Variants in DLC1 observed in about 807,000 individuals in gnomAD.
DLC1 encodes rho GTPase-activating protein 7.
A neutral mutation model predicts 140.3 loss-of-function variants in DLC1; 54 were observed. That is an observed-to-expected ratio of 0.38 (90% CI 0.31 to 0.48). DLC1 has a LOEUF of 0.48. DLC1 is among the 20% of genes least tolerant of loss of function. The probability of loss-of-function intolerance (pLI) is 0.96; values close to 1 mark genes in which losing one functional copy is unlikely to be tolerated. For synonymous variants in DLC1, 986 were observed against 728.1 expected (o/e 1.35, Z -5.70); for missense variants, 2,536 against 1,907.0 (o/e 1.33, Z -6.14).
chr8:13,135,367 G>C (rs1411019318), intron 5 of DLC1, among the ~76,000 whole-genome samples: 1 of 152,004 alleles, frequency 6.6e-6, no homozygotes, highest in Non-Finnish European at 1.5e-5. Flanking sequence ...ATTTTTAGTA[G>C]AGACAGGGTT....
chr8:13,115,242 G>A (rs796225312), intron 6 of DLC1, among the ~76,000 whole-genome samples: 3 of 152,164 alleles, frequency 2.0e-5, no homozygotes, highest in African/African-American at 7.2e-5. Flanking sequence ...AATTACATAC[G>A]ACACACTACC....
chr8:13,539,207 G>GTATGTATA, intron 1 of DLC1, among the ~76,000 whole-genome samples: 1 of 151,882 alleles, frequency 6.6e-6, no homozygotes, highest in East Asian at 1.9e-4. Context: ...ATGTATGTAT[G>GTATGTATA]TATTTATTTT....
intron 2 of DLC1, among the ~76,000 whole-genome samples, chr8:13,427,696 C>T (rs1838656411): frequency 6.6e-6 from 1 of 152,246 alleles, no homozygotes; most frequent in East Asian, 1.9e-4. Context: ...ACCTTGGGCC[C>T]CTTGTTCTCA....
chr8:13,375,456 A>G (rs1161891262), intron 4 of DLC1, among the ~76,000 whole-genome samples: 1 of 152,224 alleles, frequency 6.6e-6, no homozygotes, highest in Non-Finnish European at 1.5e-5. Flanking sequence ...ATCTGCAAAC[A>G]GGGACAATTT....
intron 4 of DLC1, among the ~76,000 whole-genome samples, chr8:13,311,173 C>A (rs997462929): frequency 6.6e-6 from 1 of 152,162 alleles, no homozygotes; most frequent in Non-Finnish European, 1.5e-5. Context: ...TTAGCTCTTT[C>A]TCTGTCATTT....
At chr8:13,312,709 T>C (rs1832728680) in intron 4 of DLC1, among the ~76,000 whole-genome samples, 1 of 152,180 alleles carries the variant, frequency 6.6e-6, no homozygotes, top group Non-Finnish European at 1.5e-5. Flanking sequence ...GTCTATATTA[T>C]ATATATCTCC....
chr8:13,229,762 C>G (rs1828960021), intron 5 of DLC1, among the ~76,000 whole-genome samples: 2 of 152,262 alleles, frequency 1.3e-5, no homozygotes, highest in African/African-American at 4.8e-5. Flanking sequence ...AAGAAGTGCT[C>G]TACCTCTAGG....
intron 1 of DLC1, among the ~76,000 whole-genome samples, chr8:13,554,151 C>G (rs190113006): frequency 5.9e-5 from 9 of 152,230 alleles, no homozygotes; most frequent in Admixed American, 4.6e-4. Flanking sequence ...ACTGCAACCT[C>G]TGCCTCCTGA....
At chr8:13,156,437 A>G (rs1302754392) in intron 5 of DLC1, among the ~76,000 whole-genome samples, 3 of 152,196 alleles carry the variant, frequency 2.0e-5, no homozygotes, top group Admixed American at 6.5e-5. Flanking sequence ...AGCTCTCACT[A>G]TGCTTTACAT....
At chr8:13,408,271 T>G (rs937591024) in intron 2 of DLC1, among the ~76,000 whole-genome samples, 1 of 152,238 alleles carries the variant, frequency 6.6e-6, no homozygotes, top group African/African-American at 2.4e-5. Flanking sequence ...TGATGATGGA[T>G]AGATAATATT....
At chr8:13,454,614 G>A (rs1359939228) in intron 2 of DLC1, among the ~76,000 whole-genome samples, 2 of 152,140 alleles carry the variant, frequency 1.3e-5, no homozygotes, top group African/African-American at 4.8e-5. Context: ...GGACTGCAGT[G>A]GTGTGATCAT....
At chr8:13,490,915 T>C (rs1218184511) in intron 2 of DLC1, among the ~76,000 whole-genome samples, 1 of 151,066 alleles carries the variant, frequency 6.6e-6, no homozygotes, top group African/African-American at 2.4e-5. Context: ...CTAATTTTTT[T>C]TCCCAATAAT....
At chr8:13,209,064 G>T (rs1327842276) in intron 5 of DLC1, among the ~76,000 whole-genome samples, 7 of 152,040 alleles carry the variant, frequency 4.6e-5, no homozygotes, top group Admixed American at 4.6e-4. Flanking sequence ...TTTCTAACTA[G>T]ATTCTTTCTA....
At chr8:13,417,624 TGTTG>T (rs1327923634) in intron 2 of DLC1, among the ~76,000 whole-genome samples, 2 of 151,878 alleles carry the variant, frequency 1.3e-5, no homozygotes, top group Non-Finnish European at 2.9e-5. Flanking sequence ...TGGACATTTG[TGTTG>T]GTTCCAAGTC....
In DLC1 at chr8:13,085,096, G is replaced by GT. The variant is rs1817446172; in HGVS notation, c.*714dup. 1 of 152,200 alleles carries GT rather than the reference G, an allele frequency of 6.6e-6. No homozygotes were observed. The allele number at this position is 152,200 out of a possible 1,614,324, so 9.4% of individuals were successfully genotyped here. ...AAAATAAACTGCATTTGGAATGGGTGTAAGAGCCAACCTATTACAATCAAA... is the reference window on the plus strand; with the variant it reads ...AAAATAAACTGCATTTGGAATGGGTGTTAAGAGCCAACCTATTACAATCAAA... On this transcript the variant is annotated 3_prime_UTR_variant, in exon 18 of 18. Coordinates refer to ENST00000276297, the MANE Select transcript of DLC1 (RefSeq NM_182643.3).
chr8:13,136,976 T>C (rs921764635), intron 5 of DLC1, among the ~76,000 whole-genome samples: 2 of 152,224 alleles, frequency 1.3e-5, no homozygotes, highest in African/African-American at 4.8e-5. Context: ...ATAATGTACA[T>C]AAGTGCTTAA....
intron 4 of DLC1, among the ~76,000 whole-genome samples, chr8:13,357,208 C>G (rs902292955): frequency 2.6e-5 from 4 of 152,008 alleles, no homozygotes; most frequent in Non-Finnish European, 5.9e-5. Flanking sequence ...GAGGTAGAGG[C>G]TGCAGTGAGC....
Position 13,373,001 on chromosome 8 carries a change from C to T in DLC1, c.1314+20552G>A, listed in dbSNP as rs371598272. On this transcript the variant is annotated intron_variant, in intron 4 of 17. Coordinates refer to ENST00000276297, the MANE Select transcript of DLC1 (RefSeq NM_182643.3). ...GCAGCAGACATGGCTGAGCCTAAAC[C>T]CAAATTACAATTTATTTTTATTTTT... 3.9e-5 allele frequency among the ~76,000 whole-genome samples: 6 copies of T among 152,214 alleles called. No homozygotes were observed. The East Asian group carries it at 7.7e-4, about 20-fold the overall frequency.
chr8:13,133,748 T>C (rs1432657252), intron 5 of DLC1, among the ~76,000 whole-genome samples: 2 of 152,170 alleles, frequency 1.3e-5, no homozygotes, highest in East Asian at 3.9e-4. Context: ...TTGGTAGCTC[T>C]GCGTACTTTT....
Sources: gnomAD v4.1 joint callset for allele counts (sites outside exome capture counted in the v4.1 genomes callset) on GRCh38, gnomAD v4.1.1 for gene constraint, MANE v1.5 for transcripts, NCBI Gene and HGNC (gene_info 2026-07-23, HGNC 2026-07-21) for gene names.